DAAM2: variants seen among roughly 807,000 people sequenced by gnomAD.
DAAM2 encodes the protein disheveled-associated activator of morphogenesis 2.
In DAAM2, 39 loss-of-function variants were observed where a neutral mutation model predicts 120.7. That is an observed-to-expected ratio of 0.32 (90% CI 0.25 to 0.42). The LOEUF is 0.42. Among genes scored for constraint, DAAM2 ranks in the 10% least tolerant of loss-of-function variants. DAAM2 has a pLI of 1.00. For synonymous variants in DAAM2, 488 were observed against 524.9 expected, an observed-to-expected ratio of 0.93 and a Z score of 0.96; for missense variants, 1,283 against 1,401.7, an observed-to-expected ratio of 0.92 and a Z score of 1.35.
chr6:39,832,000 G>A (rs1762929044), intron 1 of DAAM2, among the ~76,000 whole-genome samples: 1 of 145,384 alleles, frequency 6.9e-6, no homozygotes, highest in Admixed American at 6.8e-5. Context: ...GGTGCACTGG[G>A]GAGGCAGGTA....
chr6:39,812,368 G>A lies in DAAM2; in HGVS notation c.-57+19903G>A, dbSNP rs1176214873. Among the ~76,000 whole-genome samples, 6 of 152,186 alleles carry A rather than the reference G, an allele frequency of 3.9e-5. No individual in the cohort carries two copies. In the East Asian group the frequency reaches 5.8e-4, roughly 15 times the overall value. On this transcript the variant is annotated intron_variant, in intron 1 of 24. Transcript: ENST00000274867. ...GTGGGTATTATCCCATTTTATAGAA[G>A]AGGAAACTGAGGTTCTGAGAATTTA... is the stretch of plus-strand genomic sequence containing the variant.
Position 39,903,597 on chromosome 6 carries a change from C to T in DAAM2, c.*1560C>T, listed in dbSNP as rs1037879058. 5 of 155,162 alleles carry T rather than the reference C, an allele frequency of 3.2e-5. No individual in the cohort carries two copies. The highest frequency in any genetic ancestry group is 6.7e-3 in the Middle Eastern group (2 of 298). 9.6% of individuals were successfully genotyped at this position (155,162 alleles called of 1,614,324 possible). A position where few individuals can be genotyped will look rare whatever the true frequency, so the allele number is the denominator to read the frequency against. ...CTCTACCATCAATGAGCTCTTGGCCCTTCTGCCCTTCCCTGTGTTTCTCAC... is the reference window on the plus strand; with the variant it reads ...CTCTACCATCAATGAGCTCTTGGCCTTTCTGCCCTTCCCTGTGTTTCTCAC... On this transcript the variant is annotated 3_prime_UTR_variant, in exon 25 of 25. Transcript: ENST00000274867.
chr6:39,845,090 A>G (rs1763511608), intron 1 of DAAM2, among the ~76,000 whole-genome samples: 3 of 132,862 alleles, frequency 2.3e-5, no homozygotes, highest in Admixed American at 7.9e-5. Context: ...TATACAACAC[A>G]TATATACCAT....
intron 19 of DAAM2, among the ~76,000 whole-genome samples, chr6:39,893,374 C>T (rs1358463899): frequency 2.6e-5 from 4 of 152,038 alleles, no homozygotes; most frequent in Non-Finnish European, 4.4e-5. Flanking sequence ...AAAAATTAGC[C>T]GGGCATGGAG....
intron 19 of DAAM2, 136 bp downstream of exon 19, chr6:39,891,858 A>G (rs1424665463): frequency 2.9e-6 from 2 of 678,134 alleles, no homozygotes; most frequent in South Asian, 4.0e-5. Flanking sequence ...AAAGTCAAAG[A>G]CAAAATCTAA....
At chr6:39,871,472 A>T in intron 8 of DAAM2, 34 bp from the exon 9 acceptor site, 1 of 1,542,366 alleles carries the variant, frequency 6.5e-7, no homozygotes, top group Non-Finnish European at 8.8e-7. Context: ...CCTGGCTGTA[A>T]TGTCTACTCT....
In DAAM2 at chr6:39,860,963, T is replaced by A; in HGVS notation, c.204T>A (p.Ala68=). Residue 68 remains alanine, a synonymous_variant, in exon 3 of 25, where the codon GCT becomes GCA. Coordinates refer to ENST00000274867, the MANE Select transcript of DAAM2 (RefSeq NM_001201427.2). The part of the protein sequence containing the change: ...ELDLTDKNRE[A]MFALPPEKKW... ...ATCTCACTGACAAAAACCGAGAGGC[T>A]ATGTTTGCACTGCCCCCTGAGAAGA... 1 of 1,613,394 alleles carries A rather than the reference T, an allele frequency of 6.2e-7. No individual in the cohort carries two copies. The highest frequency in any genetic ancestry group is 8.5e-7 in the Non-Finnish European group (1 of 1,179,692).
intron 1 of DAAM2, among the ~76,000 whole-genome samples, chr6:39,847,641 C>G (rs373722019): frequency 6.6e-6 from 1 of 152,132 alleles, no homozygotes; most frequent in African/African-American, 2.4e-5. Context: ...CCCTCATCCT[C>G]TCACTCACGT....
chr6:39,851,811 C>G (rs76734128), intron 1 of DAAM2, among the ~76,000 whole-genome samples: 1,871 of 152,292 alleles, frequency 0.012, 35 homozygotes, highest in African/African-American at 0.041. Flanking sequence ...GGTCTTTAGT[C>G]AAACCCTGCC....
chr6:39,879,202 C>T lies in DAAM2; in HGVS notation c.1570C>T (p.Pro524Ser), dbSNP rs1011010666. The change falls in exon 14 of 25, where the codon CCC becomes TCC. Residue 524 changes from proline to serine, a missense_variant. Around this residue, in one of 3 missense-constraint regions of DAAM2, gnomAD observed 748 missense variants for 768.6 expected, o/e 0.97. Coordinates refer to ENST00000274867, the MANE Select transcript of DAAM2 (RefSeq NM_001201427.2). ...LSTGPVSSPP[P>S]PGGPLTLSSS... ...GACAGGCCCTGTATCTTCCCCACCA[C>T]CCCCTGGGGGCCCACTCACCTTGTC... 1.7e-5 allele frequency: 27 copies of T among 1,548,976 alleles called. No homozygotes were observed. In the Admixed American group the frequency reaches 2.4e-4, roughly 14 times the overall value.
chr6:39,895,472 G>A (rs1021184259), intron 19 of DAAM2, among the ~76,000 whole-genome samples: 7 of 152,076 alleles, frequency 4.6e-5, no homozygotes, highest in Admixed American at 4.6e-4. Flanking sequence ...CTGACCTCAG[G>A]TGATCTGCCT....
At chr6:39,815,677 CACACACA>C (rs1176625137) in intron 1 of DAAM2, among the ~76,000 whole-genome samples, 3 of 150,618 alleles carry the variant, frequency 2.0e-5, no homozygotes, top group South Asian at 2.1e-4. Flanking sequence ...CACACACACA[CACACACA>C]CCGTTTACAC....
intron 1 of DAAM2, chr6:39,822,225 G>A (rs2114138204): frequency 6.6e-6 from 1 of 152,494 alleles, no homozygotes; most frequent in East Asian, 1.9e-4. Flanking sequence ...ATGGACACAG[G>A]TGAGCTTCCT....
intron 1 of DAAM2, chr6:39,820,807 CAAT>C (rs1762464623): frequency 6.6e-6 from 1 of 152,254 alleles, no homozygotes; most frequent in African/African-American, 2.4e-5. Context: ...ATAATAATCA[CAAT>C]ACCTACCTCC....
At chr6:39,802,683 T>C (rs1302003032) in intron 1 of DAAM2, among the ~76,000 whole-genome samples, 4 of 152,202 alleles carry the variant, frequency 2.6e-5, no homozygotes, top group African/African-American at 9.6e-5. Flanking sequence ...ACTGCCTACC[T>C]AGTCCACTCA....
intron 7 of DAAM2, among the ~76,000 whole-genome samples, chr6:39,869,899 A>G (rs1764589665): frequency 6.6e-6 from 1 of 151,426 alleles, no homozygotes; most frequent in African/African-American, 2.4e-5. Context: ...ATGTGCTCTG[A>G]TTAGCTGGTA....
intron 1 of DAAM2, among the ~76,000 whole-genome samples, chr6:39,846,654 G>A (rs766449129): frequency 2.0e-5 from 3 of 151,002 alleles, no homozygotes; most frequent in African/African-American, 7.3e-5. Flanking sequence ...CAGACATTCC[G>A]CAGATTCAAA....
intron 21 of DAAM2, among the ~76,000 whole-genome samples, chr6:39,898,658 A>T (rs1216703902): frequency 6.6e-6 from 1 of 152,242 alleles, no homozygotes; most frequent in Non-Finnish European, 1.5e-5. Flanking sequence ...AGATCTATAG[A>T]ATGCAGGCTT....
At chr6:39,832,512 C>T (rs772317152) in intron 1 of DAAM2, among the ~76,000 whole-genome samples, 1 of 152,146 alleles carries the variant, frequency 6.6e-6, no homozygotes, top group Non-Finnish European at 1.5e-5. Flanking sequence ...CGACACTCAG[C>T]TGTGCAGGAA....
Sources: allele counts gnomAD v4.1 joint callset (sites outside exome capture counted in the v4.1 genomes callset), GRCh38; gene constraint gnomAD v4.1.1; regional missense constraint gnomAD v4.1.1; transcripts MANE v1.5; gene names NCBI Gene and HGNC (gene_info 2026-07-23, HGNC 2026-07-21).